The following NETO2 variants were observed in gnomAD, a reference collection of about 807,000 sequenced individuals.
The protein encoded by NETO2 is neuropilin and tolloid-like protein 2.
A neutral mutation model predicts 62.5 loss-of-function variants in NETO2; 28 were observed. That is an observed-to-expected ratio of 0.45 (90% CI 0.33 to 0.61). The LOEUF is 0.61. Among genes scored for constraint, NETO2 ranks in the 20% least tolerant of loss-of-function variants. The pLI, the probability that NETO2 is intolerant of heterozygous loss-of-function variation, is 0.02. For missense variants in NETO2, 548 were observed against 643.2 expected (o/e 0.85, Z 1.60); for synonymous variants, 214 against 219.1 (o/e 0.98, Z 0.21).
At chr16:47,084,727 T>A (rs1963147508) in intron 8 of NETO2, among the ~76,000 whole-genome samples, 2 of 152,158 alleles carry the variant, frequency 1.3e-5, no homozygotes, top group African/African-American at 4.8e-5. Context: ...GAAGCCCAAG[T>A]GCATGTGAGG....
intron 7 of NETO2, among the ~76,000 whole-genome samples, chr16:47,102,959 C>A (rs374423586): frequency 6.9e-4 from 105 of 152,240 alleles, no homozygotes; most frequent in South Asian, 4.6e-3. Context: ...CAAAGGATTA[C>A]AAATCATGCT....
chr16:47,115,730 T>TAC (rs71380319), intron 6 of NETO2, among the ~76,000 whole-genome samples: 3 of 125,994 alleles, frequency 2.4e-5, no homozygotes, highest in Non-Finnish European at 4.6e-5. Flanking sequence ...TATATATATA[T>TAC]ACATGTATAT....
chr16:47,124,209 T>C (rs1034143688), intron 4 of NETO2, among the ~76,000 whole-genome samples: 5 of 152,318 alleles, frequency 3.3e-5, no homozygotes, highest in African/African-American at 9.6e-5. Flanking sequence ...AAGAGGACAA[T>C]AGACACTTCT....
intron 1 of NETO2, among the ~76,000 whole-genome samples, chr16:47,135,614 T>G (rs550522586): frequency 6.6e-6 from 1 of 152,268 alleles, no homozygotes; most frequent in African/African-American, 2.4e-5. Context: ...AGACAGGTGC[T>G]ATTCAGGCTG....
intron 2 of NETO2, 25 bp downstream of exon 2, chr16:47,131,944 T>G: frequency 6.3e-7 from 1 of 1,595,782 alleles, no homozygotes; most frequent in South Asian, 1.1e-5. Context: ...AAACATGCAG[T>G]AAGTCACCAA....
chr16:47,095,910 C>T (rs1368122318), intron 7 of NETO2, among the ~76,000 whole-genome samples: 1 of 152,026 alleles, frequency 6.6e-6, no homozygotes, highest in Admixed American at 6.6e-5. Flanking sequence ...GTATGTTCAG[C>T]CACAAAACAA....
chr16:47,093,449 G>A (rs570929071), intron 7 of NETO2, among the ~76,000 whole-genome samples: 4 of 152,264 alleles, frequency 2.6e-5, no homozygotes, highest in South Asian at 4.1e-4. Flanking sequence ...AAGGGTCTTC[G>A]TCACGGTCAA....
At chr16:47,088,577 CAGA>C (rs1229523759) in intron 7 of NETO2, among the ~76,000 whole-genome samples, 2 of 152,018 alleles carry the variant, frequency 1.3e-5, no homozygotes, top group African/African-American at 2.4e-5. Context: ...ATACTGTTTT[CAGA>C]AGGTTTTTCA....
At chr16:47,111,612 C>T (rs1434209311) in intron 6 of NETO2, among the ~76,000 whole-genome samples, 1 of 152,160 alleles carries the variant, frequency 6.6e-6, no homozygotes. Context: ...TACCCTATCC[C>T]TATATCCTAC....
At chr16:47,114,107 T>C (rs1453017760) in intron 6 of NETO2, among the ~76,000 whole-genome samples, 1 of 152,176 alleles carries the variant, frequency 6.6e-6, no homozygotes, top group Admixed American at 6.5e-5. Flanking sequence ...TTTGCACTCC[T>C]ACCAGGACTG....
chr16:47,114,356 AG>A (rs1472457833), intron 6 of NETO2, among the ~76,000 whole-genome samples: 1 of 134,220 alleles, frequency 7.5e-6, no homozygotes, highest in Non-Finnish European at 1.6e-5. Context: ...TTTTTCTCCC[AG>A]TCAGTGGCTT....
chr16:47,084,034 C>T (rs1009009113), intron 8 of NETO2, among the ~76,000 whole-genome samples: 1 of 152,194 alleles, frequency 6.6e-6, no homozygotes, highest in African/African-American at 2.4e-5. Flanking sequence ...TGGTCCGTTT[C>T]TTCAGAAGAC....
At chr16:47,096,887 C>T (rs1174385034) in intron 7 of NETO2, among the ~76,000 whole-genome samples, 3 of 152,260 alleles carry the variant, frequency 2.0e-5, no homozygotes, top group African/African-American at 4.8e-5. Context: ...CCACGGAGGA[C>T]GAGTAGGAGC....
rs1365413098 is a variant in NETO2, at chr16:47,078,413, T to G, written c.*4808A>C. ...TTCTCATATGGCCTGGAAGTTCATC[T>G]CTAATAAAAATCTACTGCTTTTAAA... On this transcript the variant is annotated 3_prime_UTR_variant, in exon 9 of 9. Coordinates refer to ENST00000562435, the MANE Select transcript of NETO2 (RefSeq NM_018092.5). 6.6e-6 allele frequency: 1 copy of G among 152,242 alleles called. No individual in the cohort carries two copies. The highest frequency in any genetic ancestry group is 1.5e-5 in the Non-Finnish European group (1 of 68,050). The allele number at this position is 152,242 out of a possible 1,614,324, so 9.4% of individuals were successfully genotyped here.
At chr16:47,123,232 C>G (rs1450501272) in intron 4 of NETO2, among the ~76,000 whole-genome samples, 1 of 152,158 alleles carries the variant, frequency 6.6e-6, no homozygotes, top group Non-Finnish European at 1.5e-5. Flanking sequence ...GAATGAAGTT[C>G]CTTTCTGCTG....
rs546186676 is a variant in NETO2 at position 47,109,237 on chromosome 16, G to A, written c.883+246C>T. Among the ~76,000 whole-genome samples the A allele has an allele frequency of 9.9e-5, 15 of 152,198 alleles. No individual in the cohort carries two copies. In the East Asian group the frequency reaches 2.7e-3, roughly 27 times the overall value. On this transcript the variant is annotated intron_variant, in intron 7 of 8. Coordinates refer to ENST00000562435, the MANE Select transcript of NETO2 (RefSeq NM_018092.5). ...AGTCTCAGCTACTTGGGAGGCTGAAGCAGAGGATCGCTTGAGCCCAGGAGT... is the reference window on the plus strand; with the variant it reads ...AGTCTCAGCTACTTGGGAGGCTGAAACAGAGGATCGCTTGAGCCCAGGAGT...
intron 7 of NETO2, among the ~76,000 whole-genome samples, chr16:47,101,261 A>G (rs1963536872): frequency 6.6e-6 from 1 of 152,116 alleles, no homozygotes; most frequent in Non-Finnish European, 1.5e-5. Flanking sequence ...CTCTCAATAA[A>G]CCAGGTATTG....
At chr16:47,114,278 T>C (rs1596726341) in intron 6 of NETO2, among the ~76,000 whole-genome samples, 1 of 151,932 alleles carries the variant, frequency 6.6e-6, no homozygotes, top group Non-Finnish European at 1.5e-5. Context: ...ATCTGTTTCA[T>C]AATTGGGTTT....
In NETO2 at chr16:47,079,577, A is replaced by T. The variant is rs1451445646; in HGVS notation, c.*3644T>A. ...GCCACTGCACTCCAGCCTGGGCGAC[A>T]GAGCGAGACTCCGTCTCAAAAAAGA... On this transcript the variant is annotated 3_prime_UTR_variant, in exon 9 of 9. Transcript: ENST00000562435. 1.3e-5 allele frequency: 2 copies of T among 152,438 alleles called. No individual in the cohort carries two copies. The highest frequency in any genetic ancestry group is 3.9e-4 in the East Asian group (2 of 5,194). The allele number at this position is 152,438 out of a possible 1,614,324, so 9.4% of individuals were successfully genotyped here.
Sources: allele counts gnomAD v4.1 joint callset (sites outside exome capture counted in the v4.1 genomes callset), GRCh38; gene constraint gnomAD v4.1.1; transcripts MANE v1.5; gene names NCBI Gene and HGNC (gene_info 2026-07-23, HGNC 2026-07-21).